Variants in SLC35E4 observed in about 807,000 individuals in gnomAD.
The protein encoded by SLC35E4 is solute carrier family 35, member E4.
Under a neutral mutation model 19.3 loss-of-function variants are expected in SLC35E4, and 15 were observed. The ratio of observed to expected loss-of-function variants is 0.78; its 90% CI spans 0.52 to 1.20. The LOEUF is 1.20. SLC35E4 is among the 50% of genes most tolerant of loss of function. SLC35E4 has a pLI of 0.00. For synonymous variants in SLC35E4, 219 were observed against 219.9 expected (o/e 1.00, Z 0.04); for missense variants, 406 against 472.3 (o/e 0.86, Z 1.30).
Position 30,646,911 on chromosome 22 carries a change from C to G in SLC35E4, c.933C>G (p.Ser311Arg). Reference sequence around the variant, plus strand: ...TTGGCAGCCGCCTCAGTGCCCTCAGCTACGTGGGCATCGCACTCACTCTTT... The same window carrying G: ...TTGGCAGCCGCCTCAGTGCCCTCAGGTACGTGGGCATCGCACTCACTCTTT... Reference protein sequence around the residue: ...LLFGSRLSALSYVGIALTLSG... With the variant: ...LLFGSRLSALRYVGIALTLSG... The change falls in exon 2 of 2, where the codon AGC becomes AGG. Residue 311 changes from serine (S) to arginine (R), a missense_variant. By Grantham distance (110) the Ser-to-Arg change is moderately radical. Coordinates refer to ENST00000343605, the MANE Select transcript of SLC35E4 (RefSeq NM_001001479.4). The G allele has an allele frequency of 6.2e-7, 1 of 1,614,238 alleles. No homozygotes were observed. The highest frequency in any genetic ancestry group is 8.5e-7 in the Non-Finnish European group (1 of 1,180,046).
Position 30,636,498 on chromosome 22 carries a change from C to G in SLC35E4, c.48C>G (p.Ala16=). The G allele has an allele frequency of 6.5e-7, 1 of 1,534,048 alleles. No individual in the cohort carries two copies. The highest frequency in any genetic ancestry group is 8.8e-7 in the Non-Finnish European group (1 of 1,135,806). ...PEHHDGRMTS[A]EVGAAAGGAQ... ...ACCATGATGGCAGGATGACCTCAGC[C>G]GAAGTAGGAGCAGCAGCTGGTGGTG... Residue 16 remains alanine, a synonymous_variant, in exon 1 of 2, where the codon GCC becomes GCG. Coordinates refer to ENST00000343605, the MANE Select transcript of SLC35E4 (RefSeq NM_001001479.4).
intron 1 of SLC35E4, among the ~76,000 whole-genome samples, chr22:30,638,449 C>T (rs1365139942): frequency 2.8e-5 from 4 of 143,242 alleles, no homozygotes; most frequent in African/African-American, 8.0e-5. Context: ...TTGCAGTGAG[C>T]CAAGATCGCC....
At chr22:30,663,444 G>A (rs374530223), downstream of SLC35E4, 1 of 1,608,670 alleles carries the variant, frequency 6.2e-7, no homozygotes, top group Non-Finnish European at 8.5e-7. Flanking sequence ...GGCTCACAGT[G>A]GAATCATCAA....
intron 1 of SLC35E4, among the ~76,000 whole-genome samples, chr22:30,641,707 G>A (rs1324779041): frequency 7.1e-6 from 1 of 141,444 alleles, no homozygotes; most frequent in Non-Finnish European, 1.5e-5. Context: ...CACCGTCCTG[G>A]CTAATTTTTA....
rs748205074 is a variant in SLC35E4 at position 30,636,826 on chromosome 22, G to A, written c.376G>A (p.Val126Met). 6.2e-7 allele frequency: 1 copy of A among 1,612,958 alleles called. No individual in the cohort carries two copies. Among genetic ancestry groups the A allele is most frequent in the Non-Finnish European group, 8.5e-7 (1 of 1,179,612 alleles). ...TGGCACGTCCATGGCCTGCGGCAAC[G>A]TGGGCCTAAGGGCTGTGCCCCTGGA... ...TFGTSMACGN[V>M]GLRAVPLDLA... The change falls in exon 1 of 2, where the codon GTG becomes ATG. Residue 126 changes from valine to methionine, a missense_variant. Physicochemically the swap from Val to Met is conservative, Grantham distance 21. Coordinates refer to ENST00000343605, the MANE Select transcript of SLC35E4 (RefSeq NM_001001479.4).
At position 30,647,683 on chromosome 22, in the gene SLC35E4, A is replaced by T. The variant is rs1205389133; in HGVS notation, c.*652A>T. On this transcript the variant is annotated 3_prime_UTR_variant, in exon 2 of 2. Transcript: ENST00000343605. ...CAAACTTTGAAGACCTCAACTTGTTACAATGACGATGATGATGATTCTTGG... is the reference window on the plus strand; with the variant it reads ...CAAACTTTGAAGACCTCAACTTGTTTCAATGACGATGATGATGATTCTTGG... The T allele has an allele frequency of 6.6e-6, 1 of 152,246 alleles. No homozygotes were observed. The highest frequency in any genetic ancestry group is 1.5e-5 in the Non-Finnish European group (1 of 68,072). The allele number at this position is 152,246 out of a possible 1,614,324, so 9.4% of individuals were successfully genotyped here.
chr22:30,658,386 A>AT (rs1323084041), intron 2 of SLC35E4, among the ~76,000 whole-genome samples: 43 of 147,538 alleles, frequency 2.9e-4, no homozygotes, highest in South Asian at 1.1e-3. Flanking sequence ...AAAAAAAAAA[A>AT]TTTTTTTTTT....
chr22:30,648,645 G>A (rs773191115), downstream of SLC35E4, among the ~76,000 whole-genome samples: 23 of 152,110 alleles, frequency 1.5e-4, no homozygotes, highest in African/African-American at 5.3e-4. Flanking sequence ...CAGGAGAATC[G>A]CTGGAACCCA....
chr22:30,658,392 T>C (rs1157177019), intron 2 of SLC35E4, among the ~76,000 whole-genome samples: 1 of 151,948 alleles, frequency 6.6e-6, no homozygotes, highest in Non-Finnish European at 1.5e-5. Flanking sequence ...AAAAATTTTT[T>C]TTTTTTGGGG....
At chr22:30,653,644 G>A (rs1379183251) in intron 2 of SLC35E4, among the ~76,000 whole-genome samples, 2 of 151,990 alleles carry the variant, frequency 1.3e-5, no homozygotes. Context: ...AAAGTGCTTG[G>A]GATACAGCCC....
At chr22:30,652,538 A>C (rs549123908), downstream of SLC35E4, among the ~76,000 whole-genome samples, 10 of 152,382 alleles carry the variant, frequency 6.6e-5, no homozygotes, top group African/African-American at 1.9e-4. Context: ...GCCTATGCCC[A>C]GGAATGAATA....
At chr22:30,666,619 C>T (rs537844275), downstream of SLC35E4, among the ~76,000 whole-genome samples, 500 of 23,410 alleles carry the variant, frequency 0.021, 6 homozygotes, top group Middle Eastern at 0.068. Context: ...GAGACTCCAT[C>T]TCAAAAAAAA....
rs548006998 is a variant in SLC35E4, at chr22:30,646,988, G to A, written c.1010G>A (p.Arg337His). 2.5e-5 allele frequency: 40 copies of A among 1,612,658 alleles called. No individual in the cohort carries two copies. Among genetic ancestry groups the A allele is most frequent in the Middle Eastern group, 3.3e-4 (2 of 6,058 alleles). ...GAGTTCGTGGCCTCCTGGGCTGCCC[G>A]TCGGGGGCTGTGGCGGAGGGACCAG... ...NCEFVASWAA[R>H]RGLWRRDQPS... The change falls in exon 2 of 2, where the codon CGT (arginine) becomes CAT (histidine). Residue 337 changes from arginine to histidine, a missense_variant. Transcript: ENST00000343605.
intron 1 of SLC35E4, among the ~76,000 whole-genome samples, chr22:30,642,599 G>T (rs2088060833): frequency 6.6e-6 from 1 of 151,800 alleles, no homozygotes; most frequent in Admixed American, 6.6e-5. Context: ...AAATTAGCTG[G>T]GCATGCTGGT....
At chr22:30,648,172 T>C (rs575712352), downstream of SLC35E4, among the ~76,000 whole-genome samples, 36 of 152,266 alleles carry the variant, frequency 2.4e-4, no homozygotes, top group Middle Eastern at 3.4e-3. Context: ...CACATTCTGA[T>C]GTTCCTCACT....
chr22:30,666,621 CAAAAAAAAAAAA>C (rs55979351), downstream of SLC35E4, among the ~76,000 whole-genome samples: 1 of 62,498 alleles, frequency 1.6e-5, no homozygotes, highest in Non-Finnish European at 2.6e-5. Flanking sequence ...GACTCCATCT[CAAAAAAAAAAAA>C]AAAAAAAAAA....
At chr22:30,655,443 AAAAAAG>A (rs2088319722) in intron 2 of SLC35E4, among the ~76,000 whole-genome samples, 3 of 151,416 alleles carry the variant, frequency 2.0e-5, no homozygotes, top group Non-Finnish European at 1.5e-5. Flanking sequence ...AAAAAAAAAA[AAAAAAG>A]AAAAAGAAAA....
chr22:30,636,338 C>T lies in SLC35E4; in HGVS notation c.-113C>T, dbSNP rs2087944453. 8 of 1,376,492 alleles carry T rather than the reference C, an allele frequency of 5.8e-6. No homozygotes were observed. The Admixed American group carries it at 1.7e-4, about 30-fold the overall frequency. 85.3% of individuals were successfully genotyped at this position (1,376,492 alleles called of 1,614,324 possible). ...AAGCAGTGTCCTCACCTGTCTGAAA[C>T]GGGACACGGGGTCGGAGGAACCAGG... On this transcript the variant is annotated 5_prime_UTR_variant, in exon 1 of 2. It adds an upstream start codon to the 5' untranslated region. Transcript: ENST00000343605.
chr22:30,663,587 G>A (rs766693364), downstream of SLC35E4: 1 of 1,614,200 alleles, frequency 6.2e-7, no homozygotes, highest in African/African-American at 1.3e-5. Context: ...GTCGGATGAT[G>A]GGCCGGCATG....
Sources: gnomAD v4.1 joint callset for allele counts (sites outside exome capture counted in the v4.1 genomes callset) on GRCh38, gnomAD v4.1.1 for gene constraint, MANE v1.5 for transcripts, NCBI Gene and HGNC (gene_info 2026-07-23, HGNC 2026-07-21) for gene names.